The following DLC1 variants were observed in gnomAD, a reference collection of about 807,000 sequenced individuals.
DLC1 encodes the protein DLC1 Rho GTPase activating protein.
In DLC1, 54 loss-of-function variants were observed where a neutral mutation model predicts 140.3. The observed-to-expected ratio is 0.38, with a 90% CI of 0.31 to 0.48. The LOEUF (loss-of-function observed/expected upper bound fraction) is 0.48. Ranked by LOEUF, DLC1 falls within the 20% of genes least tolerant of loss-of-function variation. The pLI, the probability that DLC1 is intolerant of heterozygous loss-of-function variation, is 0.96. For missense variants in DLC1, 2,536 were observed against 1,907.0 expected (o/e 1.33, Z -6.14); for synonymous variants, 986 against 728.1 (o/e 1.35, Z -5.70).
chr8:13,346,920 C>T lies in DLC1; in HGVS notation c.1315-41618G>A, dbSNP rs1016428598. 5.5e-4 allele frequency among the ~76,000 whole-genome samples: 83 copies of T among 152,186 alleles called. 1 individual carries two copies. Among genetic ancestry groups the T allele is most frequent in the Non-Finnish European group, 2.1e-4 (14 of 68,042 alleles). ...CCGGTTTCAGTTACCTGTGGTCAAC[C>T]GTGGTCTGAAAATAGTGAGTACAGT... On this transcript the variant is annotated intron_variant, in intron 4 of 17. Transcript: ENST00000276297.
intron 5 of DLC1, among the ~76,000 whole-genome samples, chr8:13,191,513 C>T (rs750445968): frequency 6.6e-6 from 1 of 152,092 alleles, no homozygotes; most frequent in Non-Finnish European, 1.5e-5. Flanking sequence ...AACAACAAAC[C>T]CTTAACGACC....
chr8:13,503,705 C>A (rs1801924349), intron 1 of DLC1, among the ~76,000 whole-genome samples: 1 of 152,164 alleles, frequency 6.6e-6, no homozygotes, highest in African/African-American at 2.4e-5. Flanking sequence ...ATTCATCAAG[C>A]ATTTATTTAG....
chr8:13,597,834 C>T (rs562857292), intron 1 of DLC1, among the ~76,000 whole-genome samples: 3 of 152,170 alleles, frequency 2.0e-5, no homozygotes, highest in East Asian at 3.9e-4. Flanking sequence ...TAGAAACATG[C>T]TGATCTATTT....
intron 4 of DLC1, among the ~76,000 whole-genome samples, chr8:13,367,041 C>G (rs1055043831): frequency 1.3e-5 from 2 of 152,176 alleles, no homozygotes; most frequent in African/African-American, 4.8e-5. Flanking sequence ...CTCTCCATGT[C>G]TCCCTGGAGG....
chr8:13,326,361 T>G (rs1018257513), intron 4 of DLC1, among the ~76,000 whole-genome samples: 3 of 152,094 alleles, frequency 2.0e-5, no homozygotes, highest in Non-Finnish European at 4.4e-5. Context: ...TACTTAAGAG[T>G]TGGGGACATG....
At chr8:13,580,079 T>C (rs1432693954) in intron 1 of DLC1, among the ~76,000 whole-genome samples, 1 of 151,962 alleles carries the variant, frequency 6.6e-6, no homozygotes, top group Non-Finnish European at 1.5e-5. Flanking sequence ...CAATCCCATA[T>C]TCTCATATGC....
intron 5 of DLC1, chr8:13,214,455 T>A (rs1828094915): frequency 1.7e-6 from 1 of 600,260 alleles, no homozygotes. Flanking sequence ...ACATGACCTG[T>A]GGTCTGTGCT....
intron 2 of DLC1, among the ~76,000 whole-genome samples, chr8:13,462,680 A>G (rs1045006269): frequency 6.6e-6 from 1 of 152,170 alleles, no homozygotes; most frequent in African/African-American, 2.4e-5. Context: ...TGCTGGGATT[A>G]CAGGCGTGAG....
chr8:13,468,811 C>CTTTTTTTTTTTTTTTTT lies in DLC1; in HGVS notation c.1023+30221_1023+30237dup, dbSNP rs78775803. ...GTTGATTCTCCCAATTTTATGTCTGCTTTTTTTTTTTTTTTTTTTTTTTTT... is the reference window on the plus strand; with the variant it reads ...GTTGATTCTCCCAATTTTATGTCTGCTTTTTTTTTTTTTTTTTTTTTTTTTTTTTTTTTTTTTTTTTT... On this transcript the variant is annotated intron_variant, in intron 2 of 17. Transcript: ENST00000276297. Among the ~76,000 whole-genome samples, 27 of 89,964 alleles carry CTTTTTTTTTTTTTTTTT rather than the reference C, an allele frequency of 3.0e-4. 3 individuals carry two copies. Among genetic ancestry groups the CTTTTTTTTTTTTTTTTT allele is most frequent in the South Asian group, 8.8e-4 (2 of 2,262 alleles). The allele number at this position is 89,964 out of a possible 152,430, so 59.0% of individuals were successfully genotyped here. A position where few individuals can be genotyped will look rare whatever the true frequency, so the allele number is the denominator to read the frequency against.
intron 5 of DLC1, among the ~76,000 whole-genome samples, chr8:13,227,351 A>G (rs1361931093): frequency 6.6e-6 from 1 of 152,150 alleles, no homozygotes; most frequent in African/African-American, 2.4e-5. Context: ...TTCAGCCCAA[A>G]TCCAGATCAT....
intron 4 of DLC1, among the ~76,000 whole-genome samples, chr8:13,307,953 C>G (rs1318551552): frequency 1.3e-5 from 2 of 152,134 alleles, no homozygotes; most frequent in Non-Finnish European, 2.9e-5. Context: ...ACTTAGAACA[C>G]AAAATACCTC....
chr8:13,559,722 C>G (rs761964098), intron 1 of DLC1, among the ~76,000 whole-genome samples: 18 of 152,206 alleles, frequency 1.2e-4, no homozygotes, highest in African/African-American at 1.7e-4. Flanking sequence ...TCTGTAATCA[C>G]AGACCCTTCT....
intron 4 of DLC1, among the ~76,000 whole-genome samples, chr8:13,325,287 C>A: frequency 6.6e-6 from 1 of 152,218 alleles, no homozygotes; most frequent in South Asian, 2.1e-4. Context: ...CAGAACAGAG[C>A]CAGTCCCTTG....
chr8:13,313,144 C>T (rs1182211126), intron 4 of DLC1, among the ~76,000 whole-genome samples: 1 of 152,062 alleles, frequency 6.6e-6, no homozygotes, highest in Non-Finnish European at 1.5e-5. Flanking sequence ...CACTGTTTTC[C>T]TTAAAATGCT....
At chr8:13,547,769 A>C (rs1803702699) in intron 1 of DLC1, among the ~76,000 whole-genome samples, 1 of 151,788 alleles carries the variant, frequency 6.6e-6, no homozygotes, top group South Asian at 2.1e-4. Context: ...ATCCCTGCCT[A>C]CTCTTTCTAA....
chr8:13,510,306 T>A (rs1802302936), intron 1 of DLC1, among the ~76,000 whole-genome samples: 1 of 152,012 alleles, frequency 6.6e-6, no homozygotes, highest in African/African-American at 2.4e-5. Context: ...CCTGAGCAGC[T>A]GGGATTACAG....
chr8:13,414,481 C>T (rs776062829), intron 2 of DLC1, among the ~76,000 whole-genome samples: 1 of 152,154 alleles, frequency 6.6e-6, no homozygotes, highest in Non-Finnish European at 1.5e-5. Context: ...TCCTATGACT[C>T]ATCGGGATTG....
In DLC1 at chr8:13,567,894, T is replaced by G. The variant is rs1011037834; in HGVS notation, c.-126+36643A>C. 12 of 1,551,980 alleles carry G rather than the reference T, an allele frequency of 7.7e-6. No homozygotes were observed. The African/African-American group carries it at 1.6e-4, about 21-fold the overall frequency. The stretch of plus-strand genomic sequence containing the variant: ...GTCATTTACCATTTTCTCTGCCATT[T>G]CTCAAGCGACTTACTCTAATCAAAC... On this transcript the variant is annotated intron_variant, in intron 1 of 1. Coordinates refer to the DLC1 transcript ENST00000631382.
chr8:13,168,630 G>C (rs1381586479), intron 5 of DLC1, among the ~76,000 whole-genome samples: 3 of 152,248 alleles, frequency 2.0e-5, no homozygotes, highest in Non-Finnish European at 4.4e-5. Context: ...TTTGTTCTGA[G>C]ATGGAAATAA....
Sources: gnomAD v4.1 joint callset for allele counts (sites outside exome capture counted in the v4.1 genomes callset) on GRCh38, gnomAD v4.1.1 for gene constraint, MANE v1.5 for transcripts, NCBI Gene and HGNC (gene_info 2026-07-23, HGNC 2026-07-21) for gene names.